Variants in ZNF461 observed in about 807,000 individuals in gnomAD.
ZNF461 encodes the protein zinc finger protein 461.
Under a neutral mutation model 18.3 loss-of-function variants are expected in ZNF461, and 16 were observed. That is an observed-to-expected ratio of 0.88 (90% CI 0.59 to 1.33). The LOEUF is 1.33. Ranked by LOEUF, ZNF461 falls within the 40% of genes most tolerant of loss-of-function variation. The probability of loss-of-function intolerance (pLI) is 0.00; values close to 1 mark genes in which losing one functional copy is unlikely to be tolerated. For missense variants in ZNF461, 595 were observed against 669.9 expected (o/e 0.89, Z 1.23); for synonymous variants, 179 against 216.9 (o/e 0.83, Z 1.54).
rs529659083 is a variant in ZNF461, at chr19:36,643,935, A to T, written c.233-73T>A. On this transcript the variant is annotated intron_variant, in intron 4 of 5. Coordinates refer to ENST00000588268, the MANE Select transcript of ZNF461 (RefSeq NM_153257.5). ...ATTATACAATAAAAAGAGAATATCT[A>T]TTTCTTTTTCTTTTTAGACAGAGTT... The T allele has an allele frequency of 2.4e-5, 30 of 1,225,796 alleles. No homozygotes were observed. In the African/African-American group the frequency reaches 4.4e-4, roughly 18 times the overall value. The allele number at this position is 1,225,796 out of a possible 1,614,324, so 75.9% of individuals were successfully genotyped here. A position where few individuals can be genotyped will look rare whatever the true frequency, so the allele number is the denominator to read the frequency against.
Position 36,642,145 on chromosome 19 carries a change from C to T in ZNF461, c.301+1649G>A, listed in dbSNP as rs931454113. Reference sequence around the variant, plus strand: ...AAGGCTCTCACTTTGTTGCCCAGGCCGGTCTTGAACTCCTGGTTTCAAGTG... The same window carrying T: ...AAGGCTCTCACTTTGTTGCCCAGGCTGGTCTTGAACTCCTGGTTTCAAGTG... On this transcript the variant is annotated intron_variant, in intron 5 of 5. Transcript: ENST00000588268. Among the ~76,000 whole-genome samples, 8 of 152,082 alleles carry T rather than the reference C, an allele frequency of 5.3e-5. No homozygotes were observed. In the East Asian group the frequency reaches 5.8e-4, roughly 11 times the overall value.
intron 2 of ZNF461, among the ~76,000 whole-genome samples, chr19:36,660,261 T>C (rs2037795005): frequency 6.6e-6 from 1 of 151,202 alleles, no homozygotes; most frequent in East Asian, 2.0e-4. Flanking sequence ...GTGATTCTCA[T>C]GCCTCAGCCT....
At chr19:36,646,352 G>A (rs192088491) in intron 4 of ZNF461, among the ~76,000 whole-genome samples, 9 of 152,106 alleles carry the variant, frequency 5.9e-5, no homozygotes, top group South Asian at 4.1e-4. Context: ...GGCAGGTCTC[G>A]AACTCCTGAC....
intron 2 of ZNF461, among the ~76,000 whole-genome samples, chr19:36,660,701 T>TAA (rs199775225): frequency 8.8e-5 from 13 of 147,564 alleles, no homozygotes; most frequent in South Asian, 2.1e-4. Flanking sequence ...TTGATTTTTT[T>TAA]AAAAAAAAAA....
Position 36,639,386 on chromosome 19 carries a change from T to C in ZNF461, c.959A>G (p.Gln320Arg), listed in dbSNP as rs2037373339. Residue 320 changes from glutamine to arginine, a missense_variant, in exon 6 of 6, where the codon CAG becomes CGG. By Grantham distance (43) the Gln-to-Arg change is conservative. Transcript: ENST00000588268. ...FRQRSQLTQHQRLHTGEKPYE... is the reference protein window; with the variant it reads ...FRQRSQLTQHRRLHTGEKPYE... ...GGGTTTTTCACCAGTATGAAGTCTC[T>C]GATGTTGAGTAAGCTGTGATCGCTG... The C allele has an allele frequency of 2.5e-6, 4 of 1,614,074 alleles. No individual in the cohort carries two copies. The East Asian group carries it at 8.9e-5, about 36-fold the overall frequency.
intron 4 of ZNF461, among the ~76,000 whole-genome samples, chr19:36,654,536 T>A (rs1356629739): frequency 2.7e-5 from 4 of 150,484 alleles, no homozygotes; most frequent in Non-Finnish European, 5.9e-5. Context: ...CTAGGCTAAT[T>A]TTTTTTTTTC....
Position 36,637,881 on chromosome 19 carries a change from A to G in ZNF461, c.*772T>C. 2.6e-6 allele frequency: 1 copy of G among 381,450 alleles called. No individual in the cohort carries two copies. Among genetic ancestry groups the G allele is most frequent in the Non-Finnish European group, 5.1e-6 (1 of 194,990 alleles). 23.6% of individuals were successfully genotyped at this position (381,450 alleles called of 1,614,324 possible). A position where few individuals can be genotyped will look rare whatever the true frequency, so the allele number is the denominator to read the frequency against. The stretch of plus-strand genomic sequence containing the variant: ...GCTACAGAACTGGATGTTAGGGGAG[A>G]ATTAATTTTCACATTTTTGGTAATT... On this transcript the variant is annotated 3_prime_UTR_variant, in exon 6 of 6. Transcript: ENST00000588268.
Position 36,643,792 on chromosome 19 carries a change from A to C in ZNF461, c.301+2T>G. 1 of 1,529,486 alleles carries C rather than the reference A, an allele frequency of 6.5e-7. No individual in the cohort carries two copies. Among genetic ancestry groups the C allele is most frequent in the East Asian group, 2.5e-5 (1 of 40,078 alleles). The allele number at this position is 1,529,486 out of a possible 1,614,324, so 94.7% of individuals were successfully genotyped here. The stretch of plus-strand genomic sequence containing the variant: ...ACTCTTAAAAACTGTATTTATTTAT[A>C]CCTGCATTTATGTCTGTAGCCTCAT... On this transcript the variant is annotated splice_donor_variant, in intron 5 of 5. Transcript: ENST00000588268. LOFTEE classifies it high-confidence loss of function.
intron 2 of ZNF461, among the ~76,000 whole-genome samples, chr19:36,661,311 T>C (rs1224048387): frequency 1.3e-5 from 2 of 150,720 alleles, no homozygotes; most frequent in Non-Finnish European, 2.9e-5. Context: ...AATTGTAATA[T>C]GTTTACATTA....
intron 4 of ZNF461, among the ~76,000 whole-genome samples, chr19:36,651,257 A>G (rs2037622237): frequency 7.1e-6 from 1 of 140,344 alleles, no homozygotes; most frequent in Non-Finnish European, 1.6e-5. Context: ...AAAAAAAAAA[A>G]TTCCTAGAGC....
intron 5 of ZNF461, among the ~76,000 whole-genome samples, chr19:36,641,517 GAA>G (rs1555795452): frequency 6.7e-6 from 1 of 150,046 alleles, no homozygotes. Flanking sequence ...GACTGTCTCA[GAA>G]ACAAACAAAC....
chr19:36,644,311 C>CG (rs1426546401), intron 4 of ZNF461, among the ~76,000 whole-genome samples: 5 of 152,102 alleles, frequency 3.3e-5, no homozygotes, highest in African/African-American at 4.8e-5. Flanking sequence ...CTCTGTCCCC[C>CG]GGGCTGGAGT....
At position 36,639,504 on chromosome 19, in the gene ZNF461, C is replaced by T. The variant is rs374655079; in HGVS notation, c.841G>A (p.Ala281Thr). ...KRYECNECGK[A>T]FNYGSELTLH... ...GTAAGTTCTGAGCCATAATTAAAGGCCTTCCCACATTCGTTACATTCATAG... is the reference window on the plus strand; with the variant it reads ...GTAAGTTCTGAGCCATAATTAAAGGTCTTCCCACATTCGTTACATTCATAG... The change falls in exon 6 of 6, where the codon GCC becomes ACC. Residue 281 changes from alanine to threonine, a missense_variant. Ala to Thr is a moderately conservative substitution (Grantham distance 58). Transcript: ENST00000588268. 1.6e-5 allele frequency: 26 copies of T among 1,613,592 alleles called. No individual in the cohort carries two copies. The highest frequency in any genetic ancestry group is 2.0e-5 in the Non-Finnish European group (24 of 1,179,696).
intron 4 of ZNF461, among the ~76,000 whole-genome samples, chr19:36,650,423 A>T (rs1169495139): frequency 6.6e-6 from 1 of 152,170 alleles, no homozygotes; most frequent in Non-Finnish European, 1.5e-5. Flanking sequence ...TAGTCCTACA[A>T]CTATTAAATA....
chr19:36,658,444 G>C lies in ZNF461; in HGVS notation c.10-19C>G. 6.3e-7 allele frequency: 1 copy of C among 1,575,582 alleles called. No homozygotes were observed. Among genetic ancestry groups the C allele is most frequent in the Non-Finnish European group, 8.6e-7 (1 of 1,163,642 alleles). On this transcript the variant is annotated intron_variant, in intron 2 of 5. Transcript: ENST00000588268. Reference sequence around the variant, plus strand: ...CCAACTCCTAAAATGACAAATAATAGTACTATTTTTGAAATTATAAGAAAT... The same window carrying C: ...CCAACTCCTAAAATGACAAATAATACTACTATTTTTGAAATTATAAGAAAT...
At chr19:36,653,858 G>T (rs1377239114) in intron 4 of ZNF461, among the ~76,000 whole-genome samples, 1 of 152,190 alleles carries the variant, frequency 6.6e-6, no homozygotes, top group Non-Finnish European at 1.5e-5. Flanking sequence ...GCTAACACAA[G>T]GGAGTCTTGT....
chr19:36,664,879 A>G, intron 1 of ZNF461, 93 bp from the exon 2 acceptor site: 3 of 454,278 alleles, frequency 6.6e-6, no homozygotes, highest in Non-Finnish European at 1.2e-5. Context: ...TTCCCCCTTC[A>G]TATCTCCTAT....
intron 4 of ZNF461, among the ~76,000 whole-genome samples, chr19:36,650,582 A>G (rs1273465982): frequency 2.0e-5 from 3 of 152,116 alleles, no homozygotes. Flanking sequence ...CTCACTTTAT[A>G]AGGCCAGTAT....
At position 36,638,733 on chromosome 19, in the gene ZNF461, T is replaced by A. The variant is rs370791625; in HGVS notation, c.1612A>T (p.Asn538Tyr). Reference protein sequence around the residue: ...GKAFNHRLQLNLHQTLHTGEK... With the variant: ...GKAFNHRLQLYLHQTLHTGEK... The stretch of plus-strand genomic sequence containing the variant: ...CCAGTATGAAGAGTCTGATGTAAGT[T>A]AAGTTGTAATCTATGATTAAACGCC... Residue 538 changes from asparagine (N) to tyrosine (Y), a missense_variant, in exon 6 of 6, where the codon AAC (asparagine) becomes TAC (tyrosine). Coordinates refer to ENST00000588268, the MANE Select transcript of ZNF461 (RefSeq NM_153257.5). 43 of 1,614,004 alleles carry A rather than the reference T, an allele frequency of 2.7e-5. No homozygotes were observed. The African/African-American group carries it at 4.5e-4, about 17-fold the overall frequency.
Sources: gnomAD v4.1 joint callset for allele counts (sites outside exome capture counted in the v4.1 genomes callset) on GRCh38, gnomAD v4.1.1 for gene constraint, MANE v1.5 for transcripts, NCBI Gene and HGNC (gene_info 2026-07-23, HGNC 2026-07-21) for gene names.